The following KANK4 variants were observed in gnomAD, a reference collection of about 807,000 sequenced individuals.
KANK4 encodes the protein KN motif and ankyrin repeat domain-containing protein 4.
In KANK4, 50 loss-of-function variants were observed where a neutral mutation model predicts 80.8. The observed-to-expected ratio is 0.62, with a 90% CI of 0.49 to 0.78. The LOEUF is 0.78. KANK4 is among the 30% of genes least tolerant of loss of function. KANK4 has a pLI of 0.00. For synonymous variants in KANK4, 465 were observed against 506.9 expected (o/e 0.92, Z 1.11); for missense variants, 1,196 against 1,240.1 (o/e 0.96, Z 0.53).
chr1:62,255,125 T>C (rs1186415513), intron 7 of KANK4, among the ~76,000 whole-genome samples: 1 of 151,876 alleles, frequency 6.6e-6, no homozygotes, highest in African/African-American at 2.4e-5. Flanking sequence ...GACCTCATGA[T>C]CCACCCACCT....
intron 9 of KANK4, among the ~76,000 whole-genome samples, chr1:62,243,919 T>C (rs1671405305): frequency 6.6e-6 from 1 of 152,164 alleles, no homozygotes. Flanking sequence ...CTCCAGACAC[T>C]GTCTGTAAAT....
intron 8 of KANK4, among the ~76,000 whole-genome samples, chr1:62,252,310 G>A (rs1035730522): frequency 6.6e-6 from 1 of 152,230 alleles, no homozygotes; most frequent in Non-Finnish European, 1.5e-5. Context: ...CGCAGCAACT[G>A]CTGCTCCCAG....
intron 2 of KANK4, among the ~76,000 whole-genome samples, chr1:62,279,193 C>A (rs960918307): frequency 1.9e-5 from 1 of 52,664 alleles, no homozygotes; most frequent in African/African-American, 8.2e-5. Context: ...CCTAAGCTAG[C>A]GCGCGCACAC....
At chr1:62,287,002 C>T (rs912337369) in intron 1 of KANK4, among the ~76,000 whole-genome samples, 3 of 152,200 alleles carry the variant, frequency 2.0e-5, no homozygotes, top group Admixed American at 6.5e-5. Flanking sequence ...GATCCACTTC[C>T]AGGCAGGGTT....
intron 1 of KANK4, among the ~76,000 whole-genome samples, chr1:62,311,685 A>G (rs1225860504): frequency 6.6e-6 from 1 of 152,194 alleles, no homozygotes; most frequent in Non-Finnish European, 1.5e-5. Context: ...TGGTTGTTCC[A>G]GTAGATTGCT....
At chr1:62,255,315 G>A (rs1434692079) in intron 7 of KANK4, among the ~76,000 whole-genome samples, 3 of 152,180 alleles carry the variant, frequency 2.0e-5, no homozygotes, top group Admixed American at 6.5e-5. Flanking sequence ...GGCATAGACC[G>A]ATAACTGTTA....
intron 8 of KANK4, among the ~76,000 whole-genome samples, chr1:62,250,234 C>T (rs6702709): frequency 0.021 from 3,160 of 151,496 alleles, 92 homozygotes; most frequent in African/African-American, 0.073. Context: ...GTGATCAGCC[C>T]GCCTCGGCCT....
chr1:62,292,023 G>A (rs1416206800), intron 1 of KANK4, among the ~76,000 whole-genome samples: 1 of 152,064 alleles, frequency 6.6e-6, no homozygotes, highest in Non-Finnish European at 1.5e-5. Context: ...CTCGTTAGCA[G>A]TTATTCCCTA....
At chr1:62,301,594 G>A (rs535550953) in intron 1 of KANK4, among the ~76,000 whole-genome samples, 3 of 150,592 alleles carry the variant, frequency 2.0e-5, no homozygotes, top group East Asian at 2.0e-4. Context: ...GTGTGGATCC[G>A]GGTCTGAATC....
Position 62,274,321 on chromosome 1 carries a change from T to C in KANK4, c.783A>G (p.Leu261=), listed in dbSNP as rs2149143674. Residue 261 remains leucine (L), a synonymous_variant, in exon 3 of 10, where the codon CTA becomes CTG. Transcript: ENST00000371153. ...PFSFQNVLVV[L]EDKEDEHNAR... is the part of the protein sequence containing the mutation. ...CATTGTGTTCATCTTCCTTGTCCTC[T>C]AGAACTACAAGCACATTCTGGAATG... 6.2e-7 allele frequency: 1 copy of C among 1,614,160 alleles called. No homozygotes were observed. The highest frequency in any genetic ancestry group is 8.5e-7 in the Non-Finnish European group (1 of 1,180,028).
intron 7 of KANK4, among the ~76,000 whole-genome samples, chr1:62,260,967 T>C (rs1185948492): frequency 6.6e-6 from 1 of 152,148 alleles, no homozygotes; most frequent in Non-Finnish European, 1.5e-5. Flanking sequence ...GAATTCTCAA[T>C]AGCCTTTGCA....
At chr1:62,281,773 G>A (rs1672456486) in intron 1 of KANK4, 139 bp from the exon 2 acceptor site, 2 of 626,748 alleles carry the variant, frequency 3.2e-6, no homozygotes, top group Admixed American at 5.3e-5. Context: ...CTCCAAGGAG[G>A]AAGATTAAAA....
In KANK4 at chr1:62,273,921, C is replaced by T; in HGVS notation, c.1183G>A (p.Glu395Lys). The T allele has an allele frequency of 6.2e-7, 1 of 1,614,204 alleles. No individual in the cohort carries two copies. Among genetic ancestry groups the T allele is most frequent in the Non-Finnish European group, 8.5e-7 (1 of 1,180,032 alleles). ...RELEFTVAQL[E>K]GQFHQENAKD... ...GCGTTCTCTTGGTGAAACTGTCCTTCCAGTTGGGCTACAGTGAACTCCAGC... is the reference window on the plus strand; with the variant it reads ...GCGTTCTCTTGGTGAAACTGTCCTTTCAGTTGGGCTACAGTGAACTCCAGC... The change falls in exon 3 of 10, where the codon GAA becomes AAA. Residue 395 changes from glutamate to lysine, a missense_variant. This residue lies in a region of KANK4 where 1,154 missense variants were observed against 1,179.6 expected (regional missense o/e 0.98). Transcript: ENST00000371153.
chr1:62,243,132 TTCC>T (rs1454902712), intron 9 of KANK4, among the ~76,000 whole-genome samples: 1 of 152,052 alleles, frequency 6.6e-6, no homozygotes. Flanking sequence ...CATGATAGAT[TTCC>T]TCCTCCATTT....
intron 1 of KANK4, among the ~76,000 whole-genome samples, chr1:62,292,878 G>A (rs1197483797): frequency 6.6e-6 from 1 of 152,220 alleles, no homozygotes; most frequent in South Asian, 2.1e-4. Context: ...TAACTAACTC[G>A]TCTCATGGTC....
chr1:62,309,557 GACT>G (rs1644481133), intron 1 of KANK4, among the ~76,000 whole-genome samples: 1 of 152,172 alleles, frequency 6.6e-6, no homozygotes, highest in African/African-American at 2.4e-5. Context: ...ACTGAAAGAA[GACT>G]ACATTACTTA....
At chr1:62,243,048 T>C (rs1671381170) in intron 9 of KANK4, among the ~76,000 whole-genome samples, 1 of 152,212 alleles carries the variant, frequency 6.6e-6, no homozygotes, top group Admixed American at 6.6e-5. Flanking sequence ...CCATCTTACC[T>C]GTGGGCCCAT....
At chr1:62,288,692 G>A (rs995389874) in intron 1 of KANK4, among the ~76,000 whole-genome samples, 2 of 64,474 alleles carry the variant, frequency 3.1e-5, no homozygotes, top group African/African-American at 1.8e-4. Context: ...GTTGTAGGGA[G>A]AGAGGAGGCT....
At chr1:62,296,235 C>T (rs6704270) in intron 1 of KANK4, among the ~76,000 whole-genome samples, 1 of 152,196 alleles carries the variant, frequency 6.6e-6, no homozygotes, top group Non-Finnish European at 1.5e-5. Flanking sequence ...CTATTTCCAG[C>T]AGAGTGACTG....
Sources: gnomAD v4.1 joint callset for allele counts (sites outside exome capture counted in the v4.1 genomes callset) on GRCh38, gnomAD v4.1.1 for gene constraint, gnomAD v4.1.1 regional missense constraint, MANE v1.5 for transcripts, NCBI Gene and HGNC (gene_info 2026-07-23, HGNC 2026-07-21) for gene names.